Variants in UGT2B11 observed in about 807,000 individuals in gnomAD.
UGT2B11 encodes the protein UDP glucuronosyltransferase family 2 member B11.
In UGT2B11, 49 loss-of-function variants were observed where a neutral mutation model predicts 51.7. That is an observed-to-expected ratio of 0.95 (90% confidence interval 0.75 to 1.20). UGT2B11 has a LOEUF of 1.20. Among genes scored for constraint, UGT2B11 ranks in the 50% most tolerant of loss-of-function variants. The pLI is 0.00. For missense variants in UGT2B11, 810 were observed against 622.1 expected, an observed-to-expected ratio of 1.30 and a Z score of -3.21; for synonymous variants, 273 against 209.0, an observed-to-expected ratio of 1.31 and a Z score of -2.64.
chr4:69,208,602 T>A (rs1303490558), intron 2 of UGT2B11, 120 bp from the exon 3 acceptor site: 1 of 1,497,316 alleles, frequency 6.7e-7, no homozygotes, highest in Non-Finnish European at 8.9e-7. Flanking sequence ...TTGGAATTAA[T>A]AATATTTTTT....
intron 3 of UGT2B11, among the ~76,000 whole-genome samples, chr4:69,207,997 C>A (rs895107964): frequency 6.6e-6 from 1 of 151,532 alleles, no homozygotes; most frequent in Non-Finnish European, 1.5e-5. Context: ...TTTTCACTTA[C>A]CTGAAATATA....
At chr4:69,222,883 C>T in the UGT2B11 span, among the ~76,000 whole-genome samples, 55,839 of 152,016 alleles carry the variant, frequency 0.37, 11,319 homozygotes, top group Non-Finnish European at 0.47. Flanking sequence ...GTTCTCTTTC[C>T]GATGCACCTT....
chr4:69,204,131 C>T (rs1478539389), intron 5 of UGT2B11, among the ~76,000 whole-genome samples: 1 of 150,670 alleles, frequency 6.6e-6, no homozygotes. Context: ...GTTTATTCTT[C>T]CTTTCTTCTA....
At chr4:69,222,823 A>G in the UGT2B11 span, among the ~76,000 whole-genome samples, 3 of 152,302 alleles carry the variant, frequency 2.0e-5, no homozygotes, top group South Asian at 6.2e-4. Flanking sequence ...TTCTCCTCCT[A>G]CTGCTTATAA....
At chr4:69,201,317 C>A (rs1216263797) in intron 5 of UGT2B11, 2 of 151,824 alleles carry the variant, frequency 1.3e-5, no homozygotes, top group African/African-American at 4.8e-5. Context: ...CGTCACTTTT[C>A]TTCTACATTA....
At chr4:69,204,207 T>C (rs1481432942) in intron 5 of UGT2B11, 2 of 479,956 alleles carry the variant, frequency 4.2e-6, no homozygotes, top group Non-Finnish European at 6.9e-6. Context: ...AAAATTATTT[T>C]TGTTTAGAAA....
At chr4:69,209,687 A>T (rs1158743158) in intron 2 of UGT2B11, among the ~76,000 whole-genome samples, 1 of 151,618 alleles carries the variant, frequency 6.6e-6, no homozygotes, top group African/African-American at 2.4e-5. Flanking sequence ...TATTCCACGT[A>T]ATACCTGGGG....
chr4:69,212,676 C>T lies in UGT2B11; in HGVS notation c.767G>A (p.Trp256Ter). 1 of 1,609,806 alleles carries T rather than the reference C, an allele frequency of 6.2e-7. No individual in the cohort carries two copies. The highest frequency in any genetic ancestry group is 8.5e-7 in the Non-Finnish European group (1 of 1,177,580). Reference sequence around the variant, plus strand: ...AAAACTCCAGGAGTTTCGCATAAGCCATATGTCAGCTTTTCCCATTGTCTC... The same window carrying T: ...AAAACTCCAGGAGTTTCGCATAAGCTATATGTCAGCTTTTCCCATTGTCTC... ...LFETMGKADI[W>*]LMRNSWSFQF... The change falls in exon 2 of 6, where the codon TGG becomes TAG. Residue 256 changes from tryptophan (W) to a stop codon, truncating the protein, a stop_gained. Transcript: ENST00000446444. LOFTEE classifies it high-confidence loss of function.
chr4:69,221,600 C>T, the UGT2B11 span, among the ~76,000 whole-genome samples: 4 of 152,230 alleles, frequency 2.6e-5, no homozygotes, highest in African/African-American at 4.8e-5. Context: ...GACTTTCAGG[C>T]ATTACAAGAA....
chr4:69,219,903 C>A, the UGT2B11 span, among the ~76,000 whole-genome samples: 51 of 152,018 alleles, frequency 3.4e-4, no homozygotes, highest in African/African-American at 1.0e-3. Flanking sequence ...CCTCACATTT[C>A]AAAACCAATC....
At chr4:69,202,503 A>C (rs1291475978) in intron 5 of UGT2B11, among the ~76,000 whole-genome samples, 1 of 151,642 alleles carries the variant, frequency 6.6e-6, no homozygotes, top group Admixed American at 6.6e-5. Context: ...TTTATTGCCC[A>C]CCACACATCA....
intron 4 of UGT2B11, among the ~76,000 whole-genome samples, 154 bp from the exon 5 acceptor site, chr4:69,204,803 G>A (rs1721788971): frequency 6.6e-6 from 1 of 151,680 alleles, no homozygotes; most frequent in Non-Finnish European, 1.5e-5. Context: ...TACTTGTTTA[G>A]GAGATGTAAC....
At chr4:69,222,937 G>A in the UGT2B11 span, among the ~76,000 whole-genome samples, 1 of 152,122 alleles carries the variant, frequency 6.6e-6, no homozygotes, top group Admixed American at 6.5e-5. Flanking sequence ...AGTGCAGGAG[G>A]AGAGTAGGGC....
At chr4:69,207,506 C>A (rs1373439930) in intron 3 of UGT2B11, among the ~76,000 whole-genome samples, 1 of 151,484 alleles carries the variant, frequency 6.6e-6, no homozygotes, top group African/African-American at 2.4e-5. Flanking sequence ...AACCTGTTCC[C>A]CTGCCTCTCT....
intron 5 of UGT2B11, among the ~76,000 whole-genome samples, chr4:69,202,320 G>A (rs1477354618): frequency 6.6e-6 from 1 of 151,720 alleles, no homozygotes; most frequent in African/African-American, 2.4e-5. Context: ...AGATAAAAGT[G>A]CATGCAAACT....
At chr4:69,212,460 CCTACTTCCCAT>C in intron 2 of UGT2B11, 102 bp downstream of exon 2, 1 of 1,524,902 alleles carries the variant, frequency 6.6e-7, no homozygotes, top group East Asian at 2.3e-5. Flanking sequence ...CTTTACACCA[CCTACTTCCCAT>C]CTTTCTTTCA....
chr4:69,215,608 C>A (rs1177569383), upstream of UGT2B11: 1 of 151,868 alleles, frequency 6.6e-6, no homozygotes, highest in African/African-American at 2.4e-5. Flanking sequence ...ATTCTGTGGA[C>A]ATGTTTTTAT....
upstream of UGT2B11, among the ~76,000 whole-genome samples, chr4:69,219,356 A>G (rs752244146): frequency 7.2e-5 from 11 of 152,116 alleles, no homozygotes; most frequent in Non-Finnish European, 1.5e-4. Context: ...CCTTTATCAG[A>G]TGCATAGTTT....
the UGT2B11 span, among the ~76,000 whole-genome samples, chr4:69,223,612 A>T: frequency 1.2e-4 from 18 of 152,280 alleles, no homozygotes; most frequent in South Asian, 1.5e-3. Flanking sequence ...GGCCCAATTT[A>T]CGTGGGCCTG....
Sources: allele counts gnomAD v4.1 joint callset (sites outside exome capture counted in the v4.1 genomes callset), GRCh38; gene constraint gnomAD v4.1.1; transcripts MANE v1.5; gene names NCBI Gene and HGNC (gene_info 2026-07-23, HGNC 2026-07-21).